The following OPCML variants were observed in gnomAD, a reference collection of about 807,000 sequenced individuals.
The protein encoded by OPCML is opioid-binding protein/cell adhesion molecule.
In OPCML, 13 loss-of-function variants were observed where a neutral mutation model predicts 37.8. The ratio of observed to expected loss-of-function variants is 0.34; its 90% confidence interval spans 0.22 to 0.55. OPCML has a LOEUF of 0.55. Ranked by LOEUF, OPCML falls within the 20% of genes least tolerant of loss-of-function variation. OPCML has a pLI of 0.91. For missense variants in OPCML, 341 were observed against 435.6 expected (o/e 0.78, Z 1.93); for synonymous variants, 176 against 168.8 (o/e 1.04, Z -0.33).
intron 1 of OPCML, among the ~76,000 whole-genome samples, chr11:133,236,604 T>C (rs1404727905): frequency 6.6e-6 from 1 of 152,240 alleles, no homozygotes; most frequent in Non-Finnish European, 1.5e-5. Context: ...AAATACCTGC[T>C]AGCCGTAATA....
intron 1 of OPCML, among the ~76,000 whole-genome samples, chr11:133,284,722 C>T (rs1941221): frequency 0.35 from 53,047 of 151,740 alleles, 10,329 homozygotes; most frequent in East Asian, 0.73. Context: ...TAGAACAGAA[C>T]ATACATGTAA....
At chr11:132,521,606 G>A (rs1056359317) in intron 4 of OPCML, among the ~76,000 whole-genome samples, 2 of 151,868 alleles carry the variant, frequency 1.3e-5, no homozygotes, top group African/African-American at 4.8e-5. Flanking sequence ...GGGGCTTGTC[G>A]GGGTGTGAGG....
rs149400452 is a variant in OPCML, at chr11:133,505,556, T to A, written c.61+26708A>T. On this transcript the variant is annotated intron_variant, in intron 1 of 7. Coordinates refer to ENST00000524381, the MANE Select transcript of OPCML (RefSeq NM_001012393.5). ...CACTGTTTCTCTCCCCCACACCATC[T>A]TCCACTGACACCTCAGACTTCATCC... 5.7e-3 allele frequency among the ~76,000 whole-genome samples: 872 copies of A among 152,298 alleles called. 3 individuals carry two copies. The highest frequency in any genetic ancestry group is 0.014 in the Middle Eastern group (4 of 294).
chr11:133,288,267 CCTAGACTT>C (rs1418513481), intron 1 of OPCML, among the ~76,000 whole-genome samples: 1 of 152,132 alleles, frequency 6.6e-6, no homozygotes, highest in African/African-American at 2.4e-5. Context: ...TGTGGATCTC[CCTAGACTT>C]CTGCTTCCTG....
chr11:133,025,507 A>T, intron 1 of OPCML: 1 of 983,278 alleles, frequency 1.0e-6, no homozygotes, highest in Non-Finnish European at 1.2e-6. Context: ...TCTCTCAGGA[A>T]CACTGGATTC....
chr11:133,136,883 AG>A (rs1949701090), intron 1 of OPCML, among the ~76,000 whole-genome samples: 1 of 110,766 alleles, frequency 9.0e-6, no homozygotes, highest in Non-Finnish European at 1.9e-5. Context: ...GTGTTGGGGA[AG>A]GGGTTTTAAT....
intron 1 of OPCML, among the ~76,000 whole-genome samples, chr11:132,967,058 G>A (rs1293166096): frequency 6.6e-6 from 1 of 151,722 alleles, no homozygotes; most frequent in Non-Finnish European, 1.5e-5. Flanking sequence ...TTACTTTTTT[G>A]TTTACTACGT....
chr11:133,247,515 C>CT (rs1160115029), intron 1 of OPCML, among the ~76,000 whole-genome samples: 1 of 118,172 alleles, frequency 8.5e-6, no homozygotes, highest in African/African-American at 3.1e-5. Flanking sequence ...CTGAAGTTTT[C>CT]TTTTTTCTTT....
intron 1 of OPCML, among the ~76,000 whole-genome samples, chr11:133,250,125 T>C (rs1592140980): frequency 1.3e-5 from 2 of 152,244 alleles, no homozygotes; most frequent in African/African-American, 4.8e-5. Flanking sequence ...ACATAACAAA[T>C]ACATTAATGT....
chr11:132,491,251 C>T (rs900098874), intron 4 of OPCML, among the ~76,000 whole-genome samples: 1 of 152,226 alleles, frequency 6.6e-6, no homozygotes, highest in Admixed American at 6.5e-5. Context: ...TGATGTCCTT[C>T]TCCTGCTCCA....
intron 1 of OPCML, among the ~76,000 whole-genome samples, chr11:133,097,378 T>G (rs1949018538): frequency 6.6e-6 from 1 of 152,170 alleles, no homozygotes; most frequent in African/African-American, 2.4e-5. Context: ...CACATGCGTG[T>G]GATGCACGTA....
At chr11:132,733,750 G>C (rs1417339088) in intron 2 of OPCML, among the ~76,000 whole-genome samples, 3 of 152,160 alleles carry the variant, frequency 2.0e-5, no homozygotes. Context: ...TTACAAAAGA[G>C]AGAAAAGTGT....
rs1273768067 is a variant in OPCML, at chr11:133,140,823, A to AGAC, written c.62-197816_62-197814dup. 9.5e-3 allele frequency among the ~76,000 whole-genome samples: 300 copies of AGAC among 31,674 alleles called. 26 individuals are homozygous for AGAC. The highest frequency in any genetic ancestry group is 0.018 in the African/African-American group (272 of 14,748). 20.8% of individuals were successfully genotyped at this position (31,674 alleles called of 152,430 possible). ...AAGAAGAAGACGACGACGAAGAAGA[A>AGAC]GACGACGACGAAGAAGACGACGACG... On this transcript the variant is annotated intron_variant, in intron 1 of 7. Transcript: ENST00000524381.
intron 1 of OPCML, among the ~76,000 whole-genome samples, chr11:132,944,821 G>A (rs912841242): frequency 6.6e-6 from 1 of 152,160 alleles, no homozygotes; most frequent in Non-Finnish European, 1.5e-5. Flanking sequence ...AAGCCTCCCC[G>A]TTGTATTCTA....
intron 1 of OPCML, among the ~76,000 whole-genome samples, chr11:133,185,429 C>A (rs1039427790): frequency 6.6e-6 from 1 of 152,174 alleles, no homozygotes; most frequent in Non-Finnish European, 1.5e-5. Context: ...CACTGAGAGC[C>A]GCTGCAGGCT....
chr11:133,032,528 C>A (rs909101991), intron 1 of OPCML, among the ~76,000 whole-genome samples: 1 of 152,146 alleles, frequency 6.6e-6, no homozygotes, highest in Non-Finnish European at 1.5e-5. Context: ...GACATTGATG[C>A]CTCAAATGTA....
rs1252911190 is a variant in OPCML at position 132,415,139 on chromosome 11, A to AT, written c.*5053dup. On this transcript the variant is annotated 3_prime_UTR_variant, in exon 8 of 8. Coordinates refer to ENST00000524381, the MANE Select transcript of OPCML (RefSeq NM_001012393.5). The stretch of plus-strand genomic sequence containing the variant: ...ATTGACAGAAATCAAGTCTTCATTG[A>AT]TTTTTTGAAGGAAAAAATACGAAAG... The AT allele has an allele frequency of 2.0e-5, 3 of 152,484 alleles. No homozygotes were observed. Among genetic ancestry groups the AT allele is most frequent in the Non-Finnish European group, 4.4e-5 (3 of 68,008 alleles). The allele number at this position is 152,484 out of a possible 1,614,324, so 9.4% of individuals were successfully genotyped here. A position where few individuals can be genotyped will look rare whatever the true frequency, so the allele number is the denominator to read the frequency against.
chr11:132,977,809 G>C (rs190578853), intron 1 of OPCML, among the ~76,000 whole-genome samples: 345 of 152,290 alleles, frequency 2.3e-3, no homozygotes, highest in Non-Finnish European at 3.4e-3. Flanking sequence ...ACTGCTTAAT[G>C]CTATGGAGAA....
At chr11:133,484,051 T>C (rs1947466652) in intron 1 of OPCML, among the ~76,000 whole-genome samples, 1 of 149,012 alleles carries the variant, frequency 6.7e-6, no homozygotes, top group Non-Finnish European at 1.5e-5. Context: ...GATAGATAGA[T>C]AGATAGATAG....
Sources: gnomAD v4.1 joint callset for allele counts (sites outside exome capture counted in the v4.1 genomes callset) on GRCh38, gnomAD v4.1.1 for gene constraint, MANE v1.5 for transcripts, NCBI Gene and HGNC (gene_info 2026-07-23, HGNC 2026-07-21) for gene names.